Variants in SUPT3H observed in about 807,000 individuals in gnomAD.
SUPT3H encodes the protein SPT3 homolog, SAGA and STAGA complex component.
A neutral mutation model predicts 44.3 loss-of-function variants in SUPT3H; 44 were observed. The observed-to-expected ratio is 0.99, with a 90% confidence interval of 0.78 to 1.28. SUPT3H has a LOEUF of 1.28. Ranked by LOEUF, SUPT3H falls within the 50% of genes most tolerant of loss-of-function variation. SUPT3H has a pLI of 0.00. For synonymous variants in SUPT3H, 124 were observed against 125.6 expected (o/e 0.99, Z 0.09); for missense variants, 380 against 387.1 (o/e 0.98, Z 0.15).
At chr6:45,221,078 A>T (rs1314472746) in intron 2 of SUPT3H, among the ~76,000 whole-genome samples, 1 of 152,212 alleles carries the variant, frequency 6.6e-6, no homozygotes, top group Non-Finnish European at 1.5e-5. Context: ...TTGTAGGGAC[A>T]TGGATAAAGC....
chr6:44,923,823 A>T (rs1191247403), intron 10 of SUPT3H, among the ~76,000 whole-genome samples: 2 of 151,936 alleles, frequency 1.3e-5, no homozygotes, highest in African/African-American at 2.4e-5. Context: ...CCTGCTGATT[A>T]AAAAAAACAA....
intron 11 of SUPT3H, among the ~76,000 whole-genome samples, chr6:44,817,604 C>A (rs889827596): frequency 3.9e-5 from 6 of 151,960 alleles, no homozygotes; most frequent in African/African-American, 1.5e-4. Context: ...ACCACCTCAG[C>A]AATCTATTAG....
At chr6:45,307,066 G>C (rs1376026418) in intron 2 of SUPT3H, among the ~76,000 whole-genome samples, 11 of 152,212 alleles carry the variant, frequency 7.2e-5, no homozygotes, top group Admixed American at 7.2e-4. Context: ...CAGCAAGGCT[G>C]GGGGAGGGGT....
intron 2 of SUPT3H, among the ~76,000 whole-genome samples, chr6:45,258,478 T>C (rs1773780083): frequency 6.6e-6 from 1 of 152,192 alleles, no homozygotes; most frequent in South Asian, 2.1e-4. Context: ...CTGCAACAGG[T>C]ATAAACAAAC....
chr6:45,275,094 A>G (rs968930483), intron 2 of SUPT3H, among the ~76,000 whole-genome samples: 1 of 152,078 alleles, frequency 6.6e-6, no homozygotes. Context: ...GAATTTTTGT[A>G]CCTATATTCA....
At chr6:44,987,375 T>A (rs1230155497) in intron 6 of SUPT3H, among the ~76,000 whole-genome samples, 1 of 151,860 alleles carries the variant, frequency 6.6e-6, no homozygotes. Context: ...AAATATGATA[T>A]GTGAGTAGAG....
At chr6:45,206,074 AGTAT>A (rs1763183112) in intron 2 of SUPT3H, among the ~76,000 whole-genome samples, 1 of 152,232 alleles carries the variant, frequency 6.6e-6, no homozygotes, top group Non-Finnish European at 1.5e-5. Flanking sequence ...GTATCTATGC[AGTAT>A]GTAAGACTCA....
At chr6:45,156,808 C>CA (rs1441109666) in intron 2 of SUPT3H, among the ~76,000 whole-genome samples, 2 of 151,758 alleles carry the variant, frequency 1.3e-5, no homozygotes, top group African/African-American at 4.8e-5. Flanking sequence ...ACACTTTTTA[C>CA]AATAACTTCC....
At chr6:45,273,743 T>C (rs1776581410) in intron 2 of SUPT3H, among the ~76,000 whole-genome samples, 1 of 152,238 alleles carries the variant, frequency 6.6e-6, no homozygotes, top group Non-Finnish European at 1.5e-5. Flanking sequence ...TTTTTATTTT[T>C]TGACTATTAG....
chr6:45,182,036 C>G (rs1300193446), intron 2 of SUPT3H, among the ~76,000 whole-genome samples: 2 of 152,026 alleles, frequency 1.3e-5, no homozygotes, highest in Non-Finnish European at 2.9e-5. Context: ...TGAACATAAT[C>G]ATAATACGTT....
intron 2 of SUPT3H, among the ~76,000 whole-genome samples, chr6:45,155,668 G>A (rs1288141359): frequency 1.3e-5 from 2 of 152,088 alleles, no homozygotes; most frequent in East Asian, 3.8e-4. Flanking sequence ...GAGCATGAAG[G>A]ATGGGGAGTT....
chr6:45,142,797 C>G (rs957569308), intron 2 of SUPT3H, among the ~76,000 whole-genome samples: 1 of 109,314 alleles, frequency 9.1e-6, no homozygotes, highest in African/African-American at 3.3e-5. Flanking sequence ...AATCCACTAA[C>G]CAAGTATCTA....
chr6:44,897,395 T>A (rs2153446286), intron 10 of SUPT3H, among the ~76,000 whole-genome samples: 1 of 152,346 alleles, frequency 6.6e-6, no homozygotes, highest in East Asian at 1.9e-4. Flanking sequence ...CTCTCTGAAC[T>A]ATGTTCAGCA....
intron 7 of SUPT3H, among the ~76,000 whole-genome samples, chr6:44,956,904 T>C (rs1775302940): frequency 1.3e-5 from 2 of 152,220 alleles, no homozygotes; most frequent in Admixed American, 6.5e-5. Context: ...TTACAAATTT[T>C]TGTGGGAGAA....
chr6:45,064,552 A>G (rs1400938370), intron 3 of SUPT3H, among the ~76,000 whole-genome samples: 1 of 139,260 alleles, frequency 7.2e-6, no homozygotes, highest in African/African-American at 2.7e-5. Context: ...AGTGTGCTGT[A>G]TTCAGGAAAC....
chr6:45,060,171 G>C (rs1791761129), intron 3 of SUPT3H, among the ~76,000 whole-genome samples: 2 of 152,034 alleles, frequency 1.3e-5, no homozygotes, highest in Admixed American at 1.3e-4. Context: ...CAAAGCTGAA[G>C]GCATCATGCT....
intron 2 of SUPT3H, among the ~76,000 whole-genome samples, chr6:45,269,909 T>A (rs574072055): frequency 1.2e-4 from 19 of 152,248 alleles, no homozygotes; most frequent in Admixed American, 9.8e-4. Context: ...ACAAACCCTG[T>A]CCTTTAACAG....
chr6:45,270,121 G>A (rs1775883469), intron 2 of SUPT3H, among the ~76,000 whole-genome samples: 1 of 152,056 alleles, frequency 6.6e-6, no homozygotes, highest in Non-Finnish European at 1.5e-5. Flanking sequence ...AATGGAAAAT[G>A]TAATTGAAAG....
intron 10 of SUPT3H, among the ~76,000 whole-genome samples, chr6:44,908,567 C>T (rs1020815173): frequency 6.6e-6 from 1 of 152,148 alleles, no homozygotes; most frequent in Non-Finnish European, 1.5e-5. Context: ...TGCTATTTCA[C>T]ACTGGTACTA....
Sources: gnomAD v4.1 joint callset for allele counts (sites outside exome capture counted in the v4.1 genomes callset) on GRCh38, gnomAD v4.1.1 for gene constraint, MANE v1.5 for transcripts, NCBI Gene and HGNC (gene_info 2026-07-23, HGNC 2026-07-21) for gene names.